The following FAM168A variants were observed in gnomAD, a reference collection of about 807,000 sequenced individuals.
FAM168A encodes the protein family with sequence similarity 168 member A.
Under a neutral mutation model 28.5 loss-of-function variants are expected in FAM168A, and 3 were observed. That is an observed-to-expected ratio of 0.11 (90% CI 0.05 to 0.27). The LOEUF (loss-of-function observed/expected upper bound fraction) is 0.27, where lower values mean the gene tolerates loss of function less well. FAM168A is among the 10% of genes least tolerant of loss of function. The probability of loss-of-function intolerance (pLI) is 1.00; values close to 1 mark genes in which losing one functional copy is unlikely to be tolerated. For missense variants in FAM168A, 222 were observed against 311.5 expected (o/e 0.71, Z 2.16); for synonymous variants, 122 against 124.2 (o/e 0.98, Z 0.12).
intron 2 of FAM168A, among the ~76,000 whole-genome samples, chr11:73,457,224 A>T (rs58746410): frequency 7.0e-4 from 103 of 147,314 alleles, no homozygotes; most frequent in African/African-American, 2.5e-3. Context: ...CCCTTCTTTA[A>T]TTTTTTTTTT....
intron 1 of FAM168A, among the ~76,000 whole-genome samples, chr11:73,473,290 C>T (rs918833902): frequency 6.6e-6 from 1 of 152,168 alleles, no homozygotes; most frequent in African/African-American, 2.4e-5. Flanking sequence ...GTCCAAGTTA[C>T]TTTCACTGTA....
At chr11:73,530,425 A>T (rs1943502673) in intron 1 of FAM168A, among the ~76,000 whole-genome samples, 1 of 152,162 alleles carries the variant, frequency 6.6e-6, no homozygotes, top group South Asian at 2.1e-4. Context: ...TAGCAAGTAG[A>T]TCAGTGTGCA....
chr11:73,496,921 A>G (rs867011981), intron 1 of FAM168A, among the ~76,000 whole-genome samples: 2 of 151,384 alleles, frequency 1.3e-5, no homozygotes, highest in African/African-American at 4.9e-5. Context: ...ACACACGCAC[A>G]CACACACACA....
At chr11:73,592,944 T>C (rs973292464) in intron 1 of FAM168A, among the ~76,000 whole-genome samples, 11 of 152,166 alleles carry the variant, frequency 7.2e-5, no homozygotes, top group African/African-American at 1.4e-4. Context: ...CTTTTTGTAA[T>C]TTCTAGTTTT....
At chr11:73,479,560 T>C (rs1867940020) in intron 1 of FAM168A, among the ~76,000 whole-genome samples, 1 of 152,216 alleles carries the variant, frequency 6.6e-6, no homozygotes, top group Non-Finnish European at 1.5e-5. Flanking sequence ...ATTTTATTCC[T>C]GTCCCCATTT....
At chr11:73,539,170 G>A (rs1246836236) in intron 1 of FAM168A, among the ~76,000 whole-genome samples, 1 of 152,010 alleles carries the variant, frequency 6.6e-6, no homozygotes. Flanking sequence ...CAGTTAAATG[G>A]TACAACATTT....
rs574619525 is a variant in FAM168A, at chr11:73,400,803, G to A, written c.*5960C>T. On this transcript the variant is annotated 3_prime_UTR_variant, in exon 8 of 8. Transcript: ENST00000356467. ...TAGTCACCTAAGACTTTTTTTTGGGGGGGAATTTTTTTTTTTAATAGTTAT... is the reference window on the plus strand; with the variant it reads ...TAGTCACCTAAGACTTTTTTTTGGGAGGGAATTTTTTTTTTTAATAGTTAT... 6.1e-4 allele frequency: 91 copies of A among 150,410 alleles called. 1 individual carries two copies. Among genetic ancestry groups the A allele is most frequent in the African/African-American group, 2.1e-3 (87 of 41,348 alleles). 9.3% of individuals were successfully genotyped at this position (150,410 alleles called of 1,614,324 possible).
chr11:73,594,513 C>T lies in FAM168A; in HGVS notation c.-19+3410G>A, dbSNP rs182665329. ...TCACAATGTTTTGCAGCCATTACCA[C>T]TAAATATGAAAGGTTTTTTGTTTGT... On this transcript the variant is annotated intron_variant, in intron 1 of 7. Transcript: ENST00000356467. Among the ~76,000 whole-genome samples the T allele has an allele frequency of 3.6e-3, 552 of 152,232 alleles. 2 individuals are homozygous for T. Among genetic ancestry groups the T allele is most frequent in the African/African-American group, 0.012 (519 of 41,538 alleles).
At chr11:73,440,748 A>T (rs1361661754) in intron 2 of FAM168A, among the ~76,000 whole-genome samples, 2 of 152,256 alleles carry the variant, frequency 1.3e-5, no homozygotes, top group Non-Finnish European at 2.9e-5. Flanking sequence ...GGAGAACCAC[A>T]AAAGGGTGAA....
Position 73,510,067 on chromosome 11 carries a change from C to T in FAM168A, c.-18-41575G>A, listed in dbSNP as rs1035867638. ...ACTCACTGCCTCCAGAGCTCTGCTC[C>T]GTCTGTTTCTCCCCCATGAAAATCA... On this transcript the variant is annotated intron_variant, in intron 1 of 7. Coordinates refer to ENST00000356467, the MANE Select transcript of FAM168A (RefSeq NM_015159.3). 9.9e-5 allele frequency among the ~76,000 whole-genome samples: 15 copies of T among 152,126 alleles called. 1 individual carries two copies. The highest frequency in any genetic ancestry group is 9.8e-4 in the Admixed American group (15 of 15,264).
At position 73,402,545 on chromosome 11, in the gene FAM168A, T is replaced by C. The variant is rs1349109445; in HGVS notation, c.*4218A>G. ...CAATTCGGGTGGCCAGGGGTAAGGA[T>C]GCTCAGAGTCTGGTTCTGGTCCTCA... On this transcript the variant is annotated 3_prime_UTR_variant, in exon 8 of 8. Transcript: ENST00000356467. 6.6e-6 allele frequency: 1 copy of C among 152,228 alleles called. No homozygotes were observed. Among genetic ancestry groups the C allele is most frequent in the Non-Finnish European group, 1.5e-5 (1 of 68,076 alleles). The allele number at this position is 152,228 out of a possible 1,614,324, so 9.4% of individuals were successfully genotyped here. A position where few individuals can be genotyped will look rare whatever the true frequency, so the allele number is the denominator to read the frequency against.
intron 1 of FAM168A, among the ~76,000 whole-genome samples, chr11:73,595,381 T>C (rs752350252): frequency 2.0e-5 from 3 of 152,228 alleles, no homozygotes; most frequent in Non-Finnish European, 4.4e-5. Context: ...GGTATTTTTA[T>C]ATGCTCAATC....
At chr11:73,482,769 C>G (rs55727935) in intron 1 of FAM168A, among the ~76,000 whole-genome samples, 12,558 of 152,064 alleles carry the variant, frequency 0.083, 1,579 homozygotes, top group African/African-American at 0.27. Context: ...GACAGAGTCT[C>G]GCTCTGTCAC....
At chr11:73,597,265 A>C (rs1273309306) in intron 1 of FAM168A, among the ~76,000 whole-genome samples, 1 of 151,844 alleles carries the variant, frequency 6.6e-6, no homozygotes, top group Non-Finnish European at 1.5e-5. Context: ...CTTCTGCTCT[A>C]TCCTAACCCA....
At chr11:73,467,676 C>A (rs1439715171) in intron 2 of FAM168A, among the ~76,000 whole-genome samples, 5 of 152,320 alleles carry the variant, frequency 3.3e-5, no homozygotes, top group African/African-American at 1.2e-4. Flanking sequence ...CCACAGGGTT[C>A]CCTTGGGCTC....
At chr11:73,551,068 G>A (rs55857389) in intron 1 of FAM168A, among the ~76,000 whole-genome samples, 8,409 of 147,728 alleles carry the variant, frequency 0.057, 827 homozygotes, top group African/African-American at 0.2. Context: ...CCGAGATCGC[G>A]CCACTGCACT....
At chr11:73,570,318 AAC>A (rs1944071476) in intron 1 of FAM168A, among the ~76,000 whole-genome samples, 2 of 152,218 alleles carry the variant, frequency 1.3e-5, no homozygotes, top group South Asian at 2.1e-4. Context: ...CCCGGCATAA[AAC>A]ACAGTGTTAG....
At chr11:73,565,643 T>C (rs1944012844) in intron 1 of FAM168A, among the ~76,000 whole-genome samples, 1 of 148,422 alleles carries the variant, frequency 6.7e-6, no homozygotes. Flanking sequence ...ATATTAGTTA[T>C]GTTCCCTAAC....
At chr11:73,482,496 T>G (rs1182958191) in intron 1 of FAM168A, among the ~76,000 whole-genome samples, 1 of 152,008 alleles carries the variant, frequency 6.6e-6, no homozygotes, top group Non-Finnish European at 1.5e-5. Context: ...CTATCTGTCA[T>G]GAGACATAGG....
Sources: gnomAD v4.1 joint callset for allele counts (sites outside exome capture counted in the v4.1 genomes callset) on GRCh38, gnomAD v4.1.1 for gene constraint, MANE v1.5 for transcripts, NCBI Gene and HGNC (gene_info 2026-07-23, HGNC 2026-07-21) for gene names.